The following HTR7 variants were observed in gnomAD, a reference collection of about 807,000 sequenced individuals.
HTR7 encodes the protein 5-hydroxytryptamine receptor 7.
Under a neutral mutation model 34.0 loss-of-function variants are expected in HTR7, and 16 were observed. That is an observed-to-expected ratio of 0.47 (90% CI 0.32 to 0.71). The LOEUF (loss-of-function observed/expected upper bound fraction) is 0.71, where lower values mean the gene tolerates loss of function less well. HTR7 is among the 30% of genes least tolerant of loss of function. The pLI is 0.04. For synonymous variants in HTR7, 265 were observed against 260.2 expected (o/e 1.02, Z -0.18); for missense variants, 504 against 625.5 (o/e 0.81, Z 2.07).
chr10:90,777,175 C>T (rs889086668), intron 1 of HTR7, among the ~76,000 whole-genome samples: 5 of 152,092 alleles, frequency 3.3e-5, no homozygotes, highest in Admixed American at 2.0e-4. Flanking sequence ...AAAAGACTTA[C>T]CTGTGGCCTT....
In HTR7 at chr10:90,749,446, C is replaced by A. The variant is rs1426925321; in HGVS notation, c.688G>T (p.Val230Leu). The A allele has an allele frequency of 2.0e-5, 32 of 1,614,150 alleles. No individual in the cohort carries two copies. Among genetic ancestry groups the A allele is most frequent in the Non-Finnish European group, 2.5e-5 (29 of 1,180,030 alleles). ...GWAQNVNDDKVCLISQDFGYT... is the reference protein window; with the variant it reads ...GWAQNVNDDKLCLISQDFGYT... ...CCAAAGTCCTGGCTGATCAAGCACA[C>A]CTTATCATCATTTACATTCTGAGCC... The change falls in exon 2 of 4, where the codon GTG becomes TTG. Residue 230 changes from valine (V) to leucine (L), a missense_variant. Val to Leu is a conservative substitution (Grantham distance 32). This residue lies in a region of HTR7 where 154 missense variants were observed against 248.8 expected (regional missense o/e 0.62). Coordinates refer to ENST00000336152, the MANE Select transcript of HTR7 (RefSeq NM_019859.4). The surrounding 1 kb of genome is among the most constrained non-coding windows in gnomAD (Gnocchi z 4.2).
At chr10:90,850,841 G>A (rs1846486749) in intron 1 of HTR7, among the ~76,000 whole-genome samples, 1 of 152,104 alleles carries the variant, frequency 6.6e-6, no homozygotes, top group Admixed American at 6.5e-5. Context: ...CTCAAGCACA[G>A]ATGTAAAACA....
chr10:90,797,005 C>A (rs1845550083), intron 1 of HTR7, among the ~76,000 whole-genome samples: 1 of 150,476 alleles, frequency 6.6e-6, no homozygotes, highest in Middle Eastern at 3.2e-3. Flanking sequence ...AAGCAAGACT[C>A]CGTCTCAAAA....
chr10:90,820,092 G>A (rs989443839), intron 1 of HTR7, among the ~76,000 whole-genome samples: 4 of 152,166 alleles, frequency 2.6e-5, no homozygotes, highest in Non-Finnish European at 1.5e-5. Context: ...TCTGCATTCT[G>A]GGGAAGCACA....
chr10:90,804,996 T>C (rs908991896), intron 1 of HTR7, among the ~76,000 whole-genome samples: 1 of 152,230 alleles, frequency 6.6e-6, no homozygotes, highest in African/African-American at 2.4e-5. Context: ...CCAAGAGTTG[T>C]AAGCAGACAG....
At chr10:90,853,317 A>T in intron 1 of HTR7, among the ~76,000 whole-genome samples, 1 of 132,044 alleles carries the variant, frequency 7.6e-6, no homozygotes, top group African/African-American at 2.9e-5. Flanking sequence ...ACAGTGCCTC[A>T]CTCTATTGCC....
chr10:90,812,411 A>C (rs893948970), intron 1 of HTR7, among the ~76,000 whole-genome samples: 2 of 152,206 alleles, frequency 1.3e-5, no homozygotes, highest in South Asian at 4.1e-4. Flanking sequence ...AAGTAAATAA[A>C]TAATCTTTGC....
At chr10:90,805,657 T>C (rs574047511) in intron 1 of HTR7, among the ~76,000 whole-genome samples, 1 of 152,228 alleles carries the variant, frequency 6.6e-6, no homozygotes, top group Non-Finnish European at 1.5e-5. Flanking sequence ...AAGAGATTGA[T>C]ACTCTAAATT....
At chr10:90,812,818 C>T (rs1225156796) in intron 1 of HTR7, among the ~76,000 whole-genome samples, 2 of 152,136 alleles carry the variant, frequency 1.3e-5, no homozygotes, top group African/African-American at 4.8e-5. Context: ...AATGTCAGGC[C>T]TCTGAGCCCA....
At chr10:90,786,270 G>A (rs1398755682) in intron 1 of HTR7, among the ~76,000 whole-genome samples, 2 of 152,306 alleles carry the variant, frequency 1.3e-5, no homozygotes, top group African/African-American at 2.4e-5. Flanking sequence ...GGCAGGCCTT[G>A]GCTAAGGATG....
chr10:90,821,153 C>CACACA (rs780768970), intron 1 of HTR7, among the ~76,000 whole-genome samples: 27 of 151,798 alleles, frequency 1.8e-4, no homozygotes, highest in Non-Finnish European at 3.1e-4. Flanking sequence ...CACACACACA[C>CACACA]AAGCACCTTC....
At chr10:90,817,169 A>C (rs1201025587) in intron 1 of HTR7, among the ~76,000 whole-genome samples, 1 of 152,192 alleles carries the variant, frequency 6.6e-6, no homozygotes, top group Non-Finnish European at 1.5e-5. Context: ...AAACAATTCT[A>C]AACATCCAAC....
chr10:90,780,060 T>C (rs1214837377), intron 1 of HTR7, among the ~76,000 whole-genome samples: 1 of 152,200 alleles, frequency 6.6e-6, no homozygotes, highest in African/African-American at 2.4e-5. Context: ...TACAAGCTTC[T>C]ATAAGTGTAT....
chr10:90,788,333 T>C (rs77752130), intron 1 of HTR7, among the ~76,000 whole-genome samples: 2,630 of 152,266 alleles, frequency 0.017, 88 homozygotes, highest in African/African-American at 0.059. Flanking sequence ...TTTTAAGGAA[T>C]TACCAAAGAA....
At chr10:90,849,284 A>G (rs1846458838) in intron 1 of HTR7, among the ~76,000 whole-genome samples, 2 of 152,186 alleles carry the variant, frequency 1.3e-5, no homozygotes, top group African/African-American at 2.4e-5. Flanking sequence ...CCCACTAGTA[A>G]TGTATGTAAA....
At chr10:90,804,967 T>G (rs1845681356) in intron 1 of HTR7, among the ~76,000 whole-genome samples, 1 of 152,214 alleles carries the variant, frequency 6.6e-6, no homozygotes, top group Non-Finnish European at 1.5e-5. Context: ...AGGAAAATTT[T>G]GTTTTTCCTT....
intron 1 of HTR7, among the ~76,000 whole-genome samples, chr10:90,819,050 A>G (rs1319532846): frequency 6.6e-6 from 1 of 152,174 alleles, no homozygotes; most frequent in Non-Finnish European, 1.5e-5. Flanking sequence ...GAGCCAATTA[A>G]ACTTGCTTTC....
intron 1 of HTR7, among the ~76,000 whole-genome samples, chr10:90,783,838 G>A (rs914440085): frequency 2.0e-5 from 3 of 152,024 alleles, no homozygotes; most frequent in African/African-American, 7.2e-5. Flanking sequence ...CCTCTGCCTG[G>A]GTCTTCTTTT....
At chr10:90,856,003 A>G (rs1374743076) in intron 1 of HTR7, among the ~76,000 whole-genome samples, 1 of 152,206 alleles carries the variant, frequency 6.6e-6, no homozygotes, top group African/African-American at 2.4e-5. Context: ...AGTGTTTTCA[A>G]GAAGAAAAAA....
Sources: gnomAD v4.1 joint callset for allele counts (sites outside exome capture counted in the v4.1 genomes callset) on GRCh38, gnomAD v4.1.1 for gene constraint, gnomAD v4.1.1 regional missense constraint, Gnocchi (gnomAD v3.1) non-coding constraint, MANE v1.5 for transcripts, NCBI Gene and HGNC (gene_info 2026-07-23, HGNC 2026-07-21) for gene names.